SOX6: variants seen among roughly 807,000 people sequenced by gnomAD.
The protein encoded by SOX6 is transcription factor SOX-6.
A neutral mutation model predicts 97.8 loss-of-function variants in SOX6; 11 were observed. That is an observed-to-expected ratio of 0.11 (90% confidence interval 0.07 to 0.19). The LOEUF is 0.19. Ranked by LOEUF, SOX6 falls within the 10% of genes least tolerant of loss-of-function variation. The pLI, the probability that SOX6 is intolerant of heterozygous loss-of-function variation, is 1.00. For missense variants in SOX6, 810 were observed against 1,039.5 expected, an observed-to-expected ratio of 0.78 and a Z score of 3.04; for synonymous variants, 360 against 371.4, an observed-to-expected ratio of 0.97 and a Z score of 0.35.
chr11:16,212,399 G>A (rs1178529100), intron 4 of SOX6, among the ~76,000 whole-genome samples: 2 of 151,666 alleles, frequency 1.3e-5, no homozygotes, highest in African/African-American at 4.8e-5. Flanking sequence ...ATTTTTACAT[G>A]TTTTCAGTTT....
At chr11:16,621,608 C>T (rs1393389200) in intron 3 of SOX6, among the ~76,000 whole-genome samples, 1 of 152,168 alleles carries the variant, frequency 6.6e-6, no homozygotes, top group Non-Finnish European at 1.5e-5. Flanking sequence ...CATGTAGATA[C>T]TATGCTAAAC....
At chr11:16,364,664 T>G (rs1430738970) in intron 1 of SOX6, among the ~76,000 whole-genome samples, 1 of 152,140 alleles carries the variant, frequency 6.6e-6, no homozygotes, top group Non-Finnish European at 1.5e-5. Context: ...AACATCAATT[T>G]GAAAAGTATA....
rs147170469 is a variant in SOX6 at position 16,325,678 on chromosome 11, A to G, written c.238-7025T>C. On this transcript the variant is annotated intron_variant, in intron 2 of 15. Transcript: ENST00000683767. ...CAGGATCTCAAATATTATTTCTAAT[A>G]AATCTAATTATTAAAAAATTAATCT... is the stretch of plus-strand genomic sequence containing the variant. 4.5e-4 allele frequency among the ~76,000 whole-genome samples: 69 copies of G among 152,274 alleles called. No homozygotes were observed. In the East Asian group the frequency reaches 0.012, roughly 27 times the overall value.
At chr11:16,731,547 C>T (rs1489284746) in intron 2 of SOX6, among the ~76,000 whole-genome samples, 1 of 152,158 alleles carries the variant, frequency 6.6e-6, no homozygotes, top group African/African-American at 2.4e-5. Flanking sequence ...ATTCAACACC[C>T]TTTCATACTA....
At chr11:16,658,031 T>G (rs569524043) in intron 3 of SOX6, among the ~76,000 whole-genome samples, 2 of 152,332 alleles carry the variant, frequency 1.3e-5, no homozygotes, top group African/African-American at 4.8e-5. Flanking sequence ...GAACATCTCA[T>G]AAAAATCGCT....
intron 3 of SOX6, among the ~76,000 whole-genome samples, chr11:16,273,187 A>C (rs1015078634): frequency 9.9e-5 from 15 of 151,942 alleles, no homozygotes; most frequent in African/African-American, 3.6e-4. Context: ...AAATGTAATA[A>C]ACCTCAAAAA....
At chr11:16,431,616 T>C (rs1386895818) in intron 1 of SOX6, among the ~76,000 whole-genome samples, 5 of 151,888 alleles carry the variant, frequency 3.3e-5, no homozygotes, top group Admixed American at 2.6e-4. Flanking sequence ...AATAAAAACA[T>C]GAGAAAGAAT....
chr11:16,327,705 AGAG>A (rs1418881676), intron 2 of SOX6, among the ~76,000 whole-genome samples: 2 of 152,128 alleles, frequency 1.3e-5, no homozygotes, highest in Non-Finnish European at 2.9e-5. Context: ...TACTGCAAGC[AGAG>A]GAGAACAGTG....
At chr11:16,560,647 A>G (rs1847804832) in intron 4 of SOX6, among the ~76,000 whole-genome samples, 1 of 151,850 alleles carries the variant, frequency 6.6e-6, no homozygotes, top group African/African-American at 2.4e-5. Context: ...ATATGTTTAT[A>G]CGAAAATGTA....
At chr11:16,057,368 T>C (rs1847842709) in intron 9 of SOX6, among the ~76,000 whole-genome samples, 1 of 152,190 alleles carries the variant, frequency 6.6e-6, no homozygotes, top group South Asian at 2.1e-4. Context: ...TTGTTAGATT[T>C]AAGATTTGCC....
At chr11:16,458,023 A>T (rs1207615506) in intron 1 of SOX6, among the ~76,000 whole-genome samples, 1 of 152,010 alleles carries the variant, frequency 6.6e-6, no homozygotes, top group Admixed American at 6.6e-5. Context: ...TATATCATAT[A>T]ATGATGTTAT....
chr11:16,231,585 T>C (rs1212929017), intron 4 of SOX6, among the ~76,000 whole-genome samples: 2 of 151,818 alleles, frequency 1.3e-5, no homozygotes, highest in African/African-American at 4.8e-5. Flanking sequence ...GAATCAAAAG[T>C]CTTTTTAAAA....
At chr11:15,979,403 A>G (rs1853597511) in intron 15 of SOX6, among the ~76,000 whole-genome samples, 1 of 152,024 alleles carries the variant, frequency 6.6e-6, no homozygotes, top group East Asian at 1.9e-4. Context: ...GCTACAGGCC[A>G]TTCTCCCTTC....
chr11:16,203,046 A>G (rs1455116), intron 4 of SOX6, among the ~76,000 whole-genome samples: 149,510 of 152,236 alleles, frequency 0.98, 73,469 homozygotes, highest in East Asian at 1. Flanking sequence ...AGCCACAGAA[A>G]AGGTAGTACA....
intron 6 of SOX6, among the ~76,000 whole-genome samples, chr11:16,117,077 T>C (rs570917229): frequency 6.6e-6 from 1 of 151,994 alleles, no homozygotes; most frequent in African/African-American, 2.4e-5. Context: ...CAGCTGGGCG[T>C]GGTGGCTCAT....
At chr11:15,997,459 G>T in intron 13 of SOX6, among the ~76,000 whole-genome samples, 1 of 152,108 alleles carries the variant, frequency 6.6e-6, no homozygotes, top group East Asian at 1.9e-4. Context: ...CCAGCCAAAT[G>T]TAAAAAATAG....
At chr11:16,057,977 T>G (rs1016054758) in intron 9 of SOX6, among the ~76,000 whole-genome samples, 1 of 152,124 alleles carries the variant, frequency 6.6e-6, no homozygotes, top group African/African-American at 2.4e-5. Flanking sequence ...TTCTGTTGAC[T>G]TTTACATTCA....
chr11:16,568,387 A>G (rs1317092854), intron 4 of SOX6, among the ~76,000 whole-genome samples: 1 of 152,242 alleles, frequency 6.6e-6, no homozygotes, highest in Non-Finnish European at 1.5e-5. Flanking sequence ...GAAAACATGA[A>G]GAATAGAATA....
intron 3 of SOX6, among the ~76,000 whole-genome samples, chr11:16,644,407 A>T (rs1848978822): frequency 6.6e-6 from 1 of 152,186 alleles, no homozygotes; most frequent in African/African-American, 2.4e-5. Context: ...GTAGGCTGAA[A>T]ATTTAGTCTT....
Sources: allele counts gnomAD v4.1 joint callset (sites outside exome capture counted in the v4.1 genomes callset), GRCh38; gene constraint gnomAD v4.1.1; transcripts MANE v1.5; gene names NCBI Gene and HGNC (gene_info 2026-07-23, HGNC 2026-07-21).